The following NEGR1 variants were observed in gnomAD, a reference collection of about 807,000 sequenced individuals.
NEGR1 encodes the protein neuronal growth regulator 1.
In NEGR1, 10 loss-of-function variants were observed where a neutral mutation model predicts 40.9. The ratio of observed to expected loss-of-function variants is 0.24; its 90% CI spans 0.15 to 0.42. NEGR1 has a LOEUF of 0.42. Among genes scored for constraint, NEGR1 ranks in the 10% least tolerant of loss-of-function variants. The pLI, the probability that NEGR1 is intolerant of heterozygous loss-of-function variation, is 1.00. For synonymous variants in NEGR1, 185 were observed against 166.8 expected, an observed-to-expected ratio of 1.11 and a Z score of -0.84; for missense variants, 352 against 438.9, an observed-to-expected ratio of 0.80 and a Z score of 1.77.
At chr1:72,108,747 G>A (rs1649235989) in intron 1 of NEGR1, among the ~76,000 whole-genome samples, 1 of 151,518 alleles carries the variant, frequency 6.6e-6, no homozygotes, top group African/African-American at 2.4e-5. Flanking sequence ...GGTATTCAAA[G>A]CCCCAGAACT....
chr1:72,273,128 T>C (rs1451594638), intron 1 of NEGR1, among the ~76,000 whole-genome samples: 6 of 151,978 alleles, frequency 3.9e-5, no homozygotes, highest in African/African-American at 1.4e-4. Flanking sequence ...TAAAATTCTA[T>C]CAGCTAGTAT....
intron 1 of NEGR1, among the ~76,000 whole-genome samples, chr1:72,068,178 T>C (rs1308421520): frequency 6.6e-6 from 1 of 152,178 alleles, no homozygotes; most frequent in East Asian, 1.9e-4. Context: ...GGTCACATAA[T>C]CTAAGCATGC....
intron 6 of NEGR1, among the ~76,000 whole-genome samples, chr1:71,491,843 G>A (rs934118183): frequency 1.3e-5 from 2 of 152,126 alleles, no homozygotes; most frequent in African/African-American, 2.4e-5. Flanking sequence ...ATTTAATAGA[G>A]TGCTATGGTT....
At chr1:72,001,885 C>T (rs536932886) in intron 1 of NEGR1, among the ~76,000 whole-genome samples, 12 of 151,914 alleles carry the variant, frequency 7.9e-5, no homozygotes, top group Middle Eastern at 6.8e-3. Flanking sequence ...GAAAACTATC[C>T]TCTTGTACTA....
chr1:71,979,171 A>C (rs1646333148), intron 1 of NEGR1, among the ~76,000 whole-genome samples: 1 of 152,108 alleles, frequency 6.6e-6, no homozygotes, highest in Admixed American at 6.6e-5. Context: ...ACACATGGAC[A>C]CAAAGAGGGG....
intron 1 of NEGR1, among the ~76,000 whole-genome samples, chr1:72,065,947 C>G (rs1305848944): frequency 6.6e-6 from 1 of 151,912 alleles, no homozygotes; most frequent in Non-Finnish European, 1.5e-5. Context: ...ACCAAGAAAG[C>G]CTGAGAAAAG....
chr1:71,876,206 A>G (rs1414767020), intron 2 of NEGR1, among the ~76,000 whole-genome samples: 3 of 152,152 alleles, frequency 2.0e-5, no homozygotes, highest in East Asian at 1.9e-4. Flanking sequence ...AAAGTCCAGT[A>G]TAGTTCTATA....
chr1:71,617,269 C>T (rs1056994689), intron 4 of NEGR1, among the ~76,000 whole-genome samples: 3 of 152,124 alleles, frequency 2.0e-5, no homozygotes, highest in East Asian at 1.9e-4. Flanking sequence ...AAAGGTGGCA[C>T]GTGTTCCTCC....
At chr1:72,260,982 T>C (rs1557602919) in intron 1 of NEGR1, among the ~76,000 whole-genome samples, 1 of 152,070 alleles carries the variant, frequency 6.6e-6, no homozygotes, top group Non-Finnish European at 1.5e-5. Flanking sequence ...ATATTCTAGA[T>C]ATAGTTATGG....
At chr1:71,995,992 C>A (rs1010916229) in intron 1 of NEGR1, among the ~76,000 whole-genome samples, 1 of 151,950 alleles carries the variant, frequency 6.6e-6, no homozygotes, top group African/African-American at 2.4e-5. Flanking sequence ...TATCTATTTA[C>A]GTACAATTGT....
rs1173725597 is a variant in NEGR1 at position 72,183,975 on chromosome 1, A to C, written c.176+98344T>G. Among the ~76,000 whole-genome samples, 5 of 152,096 alleles carry C rather than the reference A, an allele frequency of 3.3e-5. No homozygotes were observed. In the East Asian group the frequency reaches 9.6e-4, roughly 29 times the overall value. On this transcript the variant is annotated intron_variant, in intron 1 of 6. Transcript: ENST00000357731. ...ATATAGACAAAGCTGCTTGAATATA[A>C]ATGACATGTTAAAGGCAAATCCAAC... is the stretch of plus-strand genomic sequence containing the variant.
At chr1:71,835,114 G>A (rs1658980335) in intron 2 of NEGR1, among the ~76,000 whole-genome samples, 1 of 151,986 alleles carries the variant, frequency 6.6e-6, no homozygotes, top group Non-Finnish European at 1.5e-5. Flanking sequence ...ACAATGATGG[G>A]GTTAATAGGG....
intron 1 of NEGR1, among the ~76,000 whole-genome samples, chr1:72,012,124 T>C (rs1646662496): frequency 6.6e-6 from 1 of 152,134 alleles, no homozygotes; most frequent in African/African-American, 2.4e-5. Flanking sequence ...ATTATATTAG[T>C]ATGTTAGAAT....
At chr1:71,839,490 C>T (rs143834482) in intron 2 of NEGR1, among the ~76,000 whole-genome samples, 544 of 151,648 alleles carry the variant, frequency 3.6e-3, no homozygotes, top group Middle Eastern at 6.8e-3. Flanking sequence ...GGATTACAGG[C>T]GTGAGTCACC....
chr1:71,811,906 T>TATTTTATTTA (rs1426412468), intron 2 of NEGR1, among the ~76,000 whole-genome samples: 3 of 151,392 alleles, frequency 2.0e-5, no homozygotes, highest in Admixed American at 6.6e-5. Context: ...TATTTTATTT[T>TATTTTATTTA]ATTTTCTTAT....
chr1:72,107,015 A>G (rs561873250), intron 1 of NEGR1, among the ~76,000 whole-genome samples: 16 of 151,902 alleles, frequency 1.1e-4, no homozygotes, highest in South Asian at 4.2e-4. Context: ...TGAGAAACCA[A>G]TTTTTCAGAT....
chr1:71,978,050 G>C (rs1646322011), intron 1 of NEGR1, among the ~76,000 whole-genome samples: 1 of 152,130 alleles, frequency 6.6e-6, no homozygotes, highest in Admixed American at 6.6e-5. Context: ...AATTGCAAGA[G>C]CTGCATTATC....
At chr1:71,610,039 T>C (rs1316613755) in intron 5 of NEGR1, among the ~76,000 whole-genome samples, 1 of 152,208 alleles carries the variant, frequency 6.6e-6, no homozygotes, top group Middle Eastern at 3.2e-3. Flanking sequence ...ACTGTGATTG[T>C]AAGTTTCCTG....
At chr1:71,779,617 G>T (rs1445545570) in intron 2 of NEGR1, among the ~76,000 whole-genome samples, 6 of 151,680 alleles carry the variant, frequency 4.0e-5, no homozygotes, top group African/African-American at 1.5e-4. Flanking sequence ...TCCCAGGCTG[G>T]AGTGCAATGG....
Sources: gnomAD v4.1 joint callset for allele counts (sites outside exome capture counted in the v4.1 genomes callset) on GRCh38, gnomAD v4.1.1 for gene constraint, MANE v1.5 for transcripts, NCBI Gene and HGNC (gene_info 2026-07-23, HGNC 2026-07-21) for gene names.